TLK1: variants seen among roughly 807,000 people sequenced by gnomAD.
The protein encoded by TLK1 is serine/threonine-protein kinase tousled-like 1.
A neutral mutation model predicts 105.3 loss-of-function variants in TLK1; 24 were observed. The observed-to-expected ratio is 0.23, with a 90% CI of 0.17 to 0.32. The LOEUF (loss-of-function observed/expected upper bound fraction) is 0.32, where lower values mean the gene tolerates loss of function less well. Ranked by LOEUF, TLK1 falls within the 10% of genes least tolerant of loss-of-function variation. The probability of loss-of-function intolerance (pLI) is 1.00; values close to 1 mark genes in which losing one functional copy is unlikely to be tolerated. For synonymous variants in TLK1, 321 were observed against 310.4 expected (o/e 1.03, Z -0.36); for missense variants, 558 against 910.5 (o/e 0.61, Z 4.98).
chr2:171,212,503 C>T (rs944045292), intron 1 of TLK1, among the ~76,000 whole-genome samples: 1 of 152,076 alleles, frequency 6.6e-6, no homozygotes, highest in Non-Finnish European at 1.5e-5. Context: ...TCATTTTAGA[C>T]GTCCTTTATC....
chr2:171,123,822 A>G (rs1167077859), intron 1 of TLK1, among the ~76,000 whole-genome samples: 1 of 152,200 alleles, frequency 6.6e-6, no homozygotes, highest in Non-Finnish European at 1.5e-5. Flanking sequence ...TTAAAAACAA[A>G]CAAACAAAAA....
At chr2:171,105,670 G>C (rs954540284) in intron 2 of TLK1, among the ~76,000 whole-genome samples, 2 of 151,990 alleles carry the variant, frequency 1.3e-5, no homozygotes, top group Non-Finnish European at 2.9e-5. Flanking sequence ...CCTGGCGACA[G>C]AGCGAGACTC....
chr2:171,077,646 T>C (rs891223147), intron 3 of TLK1, among the ~76,000 whole-genome samples: 20 of 152,358 alleles, frequency 1.3e-4, no homozygotes, highest in Admixed American at 3.9e-4. Flanking sequence ...CCACTTACTA[T>C]CACTTTTGGG....
intron 19 of TLK1, among the ~76,000 whole-genome samples, chr2:170,997,175 G>A (rs1361031425): frequency 6.6e-6 from 1 of 152,224 alleles, no homozygotes; most frequent in East Asian, 1.9e-4. Context: ...TGGATTTGGA[G>A]TGAGGAGATC....
chr2:171,120,674 A>G (rs1328056391), intron 1 of TLK1, among the ~76,000 whole-genome samples: 2 of 152,234 alleles, frequency 1.3e-5, no homozygotes, highest in African/African-American at 4.8e-5. Context: ...AGAAATTGGA[A>G]TCCTTGTGCA....
intron 18 of TLK1, among the ~76,000 whole-genome samples, chr2:171,005,580 G>A (rs6433274): frequency 0.96 from 145,622 of 152,220 alleles, 69,938 homozygotes; most frequent in East Asian, 1. Flanking sequence ...TCTACAAAAA[G>A]TTTAGATTAG....
At chr2:171,128,783 T>A (rs75770612) in intron 1 of TLK1, among the ~76,000 whole-genome samples, 5,624 of 152,304 alleles carry the variant, frequency 0.037, 420 homozygotes, top group East Asian at 0.3. Context: ...TACAAATGTA[T>A]ATACACATAC....
chr2:171,120,395 A>G (rs914056363), intron 1 of TLK1, among the ~76,000 whole-genome samples: 11 of 152,108 alleles, frequency 7.2e-5, no homozygotes, highest in Non-Finnish European at 8.8e-5. Context: ...AAAATTATAT[A>G]TCTGATAAAG....
At chr2:171,052,178 T>C (rs1417413417) in intron 8 of TLK1, among the ~76,000 whole-genome samples, 4 of 152,090 alleles carry the variant, frequency 2.6e-5, no homozygotes, top group Non-Finnish European at 5.9e-5. Flanking sequence ...AAATATTGCT[T>C]AAACCCGGGA....
chr2:171,168,850 G>A (rs1415192413), intron 1 of TLK1, among the ~76,000 whole-genome samples: 1 of 152,182 alleles, frequency 6.6e-6, no homozygotes, highest in African/African-American at 2.4e-5. Context: ...GGAAGCAGAG[G>A]CAGGTGGATC....
intron 14 of TLK1, among the ~76,000 whole-genome samples, chr2:171,010,280 T>C (rs1684848999): frequency 6.6e-6 from 1 of 152,058 alleles, no homozygotes; most frequent in Non-Finnish European, 1.5e-5. Flanking sequence ...GTTTTTTCAC[T>C]TGAGGGACCA....
chr2:171,117,959 T>C, intron 1 of TLK1, 102 bp from the exon 2 acceptor site: 1 of 768,052 alleles, frequency 1.3e-6, no homozygotes, highest in South Asian at 3.2e-5. Flanking sequence ...TGTTAAAAAT[T>C]TAGGAATGAA....
At position 171,080,069 on chromosome 2, in the gene TLK1, C is replaced by T. The variant is rs553597880; in HGVS notation, c.330+2712G>A. Among the ~76,000 whole-genome samples the T allele has an allele frequency of 4.0e-5, 6 of 151,654 alleles. 1 individual carries two copies. Among genetic ancestry groups the T allele is most frequent in the Admixed American group, 2.6e-4 (4 of 15,226 alleles). On this transcript the variant is annotated intron_variant, in intron 3 of 20. Transcript: ENST00000431350. ...TAAACTGTCTGGGCACGGTGGCTTACGCCTATAATCCCAGCTATTCAGGAG... is the reference window on the plus strand; with the variant it reads ...TAAACTGTCTGGGCACGGTGGCTTATGCCTATAATCCCAGCTATTCAGGAG...
intron 1 of TLK1, among the ~76,000 whole-genome samples, chr2:171,128,672 T>C (rs1690968385): frequency 6.6e-6 from 1 of 152,162 alleles, no homozygotes; most frequent in Non-Finnish European, 1.5e-5. Context: ...CTAACCAAGT[T>C]CCTCTTCCTC....
intron 1 of TLK1, among the ~76,000 whole-genome samples, chr2:171,210,486 C>T (rs1693593275): frequency 6.6e-6 from 1 of 151,970 alleles, no homozygotes; most frequent in African/African-American, 2.4e-5. Context: ...CACATCTAGG[C>T]AAGTATTTGC....
chr2:171,107,869 G>A (rs1365861150), intron 2 of TLK1, among the ~76,000 whole-genome samples: 4 of 151,936 alleles, frequency 2.6e-5, no homozygotes, highest in Non-Finnish European at 4.4e-5. Context: ...TGCCAGCCTG[G>A]GCAACATGGT....
At chr2:171,061,576 G>GAA (rs1479675948) in intron 3 of TLK1, among the ~76,000 whole-genome samples, 1 of 152,184 alleles carries the variant, frequency 6.6e-6, no homozygotes, top group East Asian at 1.9e-4. Context: ...ACTTGGATGA[G>GAA]AAAAAAGGGG....
At chr2:171,088,321 C>T (rs557502943) in intron 2 of TLK1, among the ~76,000 whole-genome samples, 1 of 151,692 alleles carries the variant, frequency 6.6e-6, no homozygotes, top group African/African-American at 2.4e-5. Context: ...GACTGAGACC[C>T]TGTATCAAAA....
intron 3 of TLK1, among the ~76,000 whole-genome samples, chr2:171,068,446 A>G (rs1478043086): frequency 1.3e-5 from 2 of 152,216 alleles, no homozygotes; most frequent in East Asian, 3.8e-4. Context: ...ACCTGGGACT[A>G]CAGACATGTG....
Sources: allele counts gnomAD v4.1 joint callset (sites outside exome capture counted in the v4.1 genomes callset), GRCh38; gene constraint gnomAD v4.1.1; transcripts MANE v1.5; gene names NCBI Gene and HGNC (gene_info 2026-07-23, HGNC 2026-07-21).